Variants in OR56A3 observed in about 807,000 individuals in gnomAD.
OR56A3 encodes the protein olfactory receptor family 56 subfamily A member 3, also known as olfactory receptor 56A3.
Under a neutral mutation model 17.5 loss-of-function variants are expected in OR56A3, and 23 were observed. The ratio of observed to expected loss-of-function variants is 1.32; its 90% confidence interval spans 0.95 to 1.87. The LOEUF (loss-of-function observed/expected upper bound fraction) is 1.87. Among genes scored for constraint, OR56A3 ranks in the 40% most tolerant of loss-of-function variants. The pLI is 0.00. For missense variants in OR56A3, 366 were observed against 380.1 expected, an observed-to-expected ratio of 0.96 and a Z score of 0.31; for synonymous variants, 175 against 150.6, an observed-to-expected ratio of 1.16 and a Z score of -1.19.
At chr11:6,020,205 C>G in the OR56A3 span, 1 of 152,106 alleles carries the variant, frequency 6.6e-6, no homozygotes, top group Non-Finnish European at 1.5e-5. Context: ...AGGATCTTAA[C>G]ATAATCATAG....
the OR56A3 span, among the ~76,000 whole-genome samples, chr11:5,972,291 AG>A: frequency 1.3e-5 from 2 of 152,242 alleles, no homozygotes; most frequent in African/African-American, 4.8e-5. Context: ...GGCTTCCAGC[AG>A]GAAACTAGGA....
chr11:6,008,805 G>A, the OR56A3 span, among the ~76,000 whole-genome samples: 2 of 151,934 alleles, frequency 1.3e-5, no homozygotes, highest in African/African-American at 2.4e-5. Context: ...AGACCAAAAT[G>A]TAACATATAA....
chr11:5,993,096 G>A, the OR56A3 span, among the ~76,000 whole-genome samples: 3 of 152,168 alleles, frequency 2.0e-5, no homozygotes, highest in Admixed American at 6.5e-5. Flanking sequence ...GGGATAGGAT[G>A]AGGATACAAA....
the OR56A3 span, among the ~76,000 whole-genome samples, chr11:5,972,010 T>C: frequency 6.6e-6 from 1 of 152,220 alleles, no homozygotes; most frequent in African/African-American, 2.4e-5. Flanking sequence ...CTGCTGGCTA[T>C]AAATCATGTC....
the OR56A3 span, chr11:5,967,537 G>C: frequency 6.7e-7 from 1 of 1,500,144 alleles, no homozygotes; most frequent in Non-Finnish European, 9.0e-7. Context: ...AGGTCAGGTT[G>C]CATTCATTTT....
chr11:6,020,469 T>A, the OR56A3 span: 4 of 152,270 alleles, frequency 2.6e-5, no homozygotes, highest in South Asian at 8.3e-4. Flanking sequence ...TTAGTTTGTA[T>A]CTCCTCTGAT....
chr11:5,960,706 C>T, the OR56A3 span, among the ~76,000 whole-genome samples: 1 of 152,150 alleles, frequency 6.6e-6, no homozygotes. Context: ...AGGAGCGTCT[C>T]TGCCTGGCTG....
chr11:5,982,768 A>G, the OR56A3 span, among the ~76,000 whole-genome samples: 2 of 152,198 alleles, frequency 1.3e-5, no homozygotes, highest in East Asian at 3.9e-4. Flanking sequence ...TCTCCCTGAT[A>G]GCTCAAATGT....
At position 5,947,597 on chromosome 11, in the gene OR56A3, A is replaced by G. The variant is rs1342756541; in HGVS notation, c.251A>G (p.Lys84Arg). Residue 84 changes from lysine (K) to arginine (R), a missense_variant, in exon 3 of 3, where the codon AAG (lysine) becomes AGG (arginine). Coordinates refer to ENST00000641160, the MANE Select transcript of OR56A3 (RefSeq NM_001003443.3). ...GTGCTCTGCCTCACTGTCATCCCCA[A>G]GGTCCTGACCATCTTCTGGTTTGAC... ...DIVLCLTVIP[K>R]VLTIFWFDLR... The G allele has an allele frequency of 8.1e-6, 13 of 1,614,002 alleles. No homozygotes were observed. Among genetic ancestry groups the G allele is most frequent in the Non-Finnish European group, 1.0e-5 (12 of 1,180,020 alleles).
Position 5,942,321 on chromosome 11 carries a change from A to G in OR56A3, c.-367A>G, listed in dbSNP as rs1011606751. 6.6e-6 allele frequency: 1 copy of G among 152,206 alleles called. No individual in the cohort carries two copies. The highest frequency in any genetic ancestry group is 1.5e-5 in the Non-Finnish European group (1 of 68,034). 9.4% of individuals were successfully genotyped at this position (152,206 alleles called of 1,614,324 possible). A position where few individuals can be genotyped will look rare whatever the true frequency, so the allele number is the denominator to read the frequency against. On this transcript the variant is annotated 5_prime_UTR_variant, in exon 1 of 3. Coordinates refer to ENST00000641160, the MANE Select transcript of OR56A3 (RefSeq NM_001003443.3). The stretch of plus-strand genomic sequence containing the variant: ...TGTGCTCTTTTCCATTCCTGCGTCA[A>G]TACTGCTGAAGTAGTCTGAGAAGGA...
chr11:5,975,826 A>G, the OR56A3 span, among the ~76,000 whole-genome samples: 844 of 152,208 alleles, frequency 5.5e-3, 5 homozygotes, highest in African/African-American at 0.019. Context: ...TCTCACCAAC[A>G]GTGTAAAAGT....
chr11:5,954,988 A>G (rs1847925331), downstream of OR56A3, among the ~76,000 whole-genome samples: 1 of 152,242 alleles, frequency 6.6e-6, no homozygotes, highest in Admixed American at 6.5e-5. Context: ...TAGTCTTTGA[A>G]TGAATGATAA....
chr11:5,999,608 A>G, the OR56A3 span: 1 of 152,222 alleles, frequency 6.6e-6, no homozygotes, highest in Non-Finnish European at 1.5e-5. Flanking sequence ...GGCTAAAAAT[A>G]TGGCTCTCTG....
the OR56A3 span, among the ~76,000 whole-genome samples, chr11:5,998,868 C>T: frequency 2.0e-4 from 30 of 152,238 alleles, no homozygotes; most frequent in African/African-American, 7.0e-4. Flanking sequence ...AAACAGTTTC[C>T]TATTTTATGA....
At chr11:5,960,991 C>G in the OR56A3 span, among the ~76,000 whole-genome samples, 1 of 148,772 alleles carries the variant, frequency 6.7e-6, no homozygotes, top group Admixed American at 6.6e-5. Flanking sequence ...TCTGACCGGC[C>G]GCCCCATCTG....
chr11:5,947,418 C>T lies in OR56A3; in HGVS notation c.72C>T (p.Ser24=). ...TCCTCTTGAATTGTTTTGTCAGATCCCCCAGCTGGCAGCACTGGCTGTCCC... is the reference window on the plus strand; with the variant it reads ...TCCTCTTGAATTGTTTTGTCAGATCTCCCAGCTGGCAGCACTGGCTGTCCC... ...SDFLLNCFVR[S]PSWQHWLSLP... is the part of the protein sequence containing the mutation. The change falls in exon 3 of 3, where the codon TCC becomes TCT. Residue 24 remains serine (S), a synonymous_variant. Transcript: ENST00000641160. The T allele has an allele frequency of 6.2e-7, 1 of 1,614,112 alleles. No individual in the cohort carries two copies. The highest frequency in any genetic ancestry group is 8.5e-7 in the Non-Finnish European group (1 of 1,180,004).
chr11:5,989,255 G>A, the OR56A3 span, among the ~76,000 whole-genome samples: 2 of 152,142 alleles, frequency 1.3e-5, no homozygotes, highest in Non-Finnish European at 2.9e-5. Flanking sequence ...TCTGTTGCAC[G>A]CTTCAGCCCA....
At chr11:5,944,730 A>C (rs1847857900) in intron 1 of OR56A3, 76 bp from the exon 2 acceptor site, 1 of 152,254 alleles carries the variant, frequency 6.6e-6, no homozygotes. Flanking sequence ...AGTATTATGA[A>C]TCACAAATGA....
At chr11:5,968,488 A>T in the OR56A3 span, 1 of 1,550,360 alleles carries the variant, frequency 6.5e-7, no homozygotes. Flanking sequence ...TTGCTGGGTA[A>T]TGTCATGAAA....
Sources: gnomAD v4.1 joint callset for allele counts (sites outside exome capture counted in the v4.1 genomes callset) on GRCh38, gnomAD v4.1.1 for gene constraint, MANE v1.5 for transcripts, NCBI Gene and HGNC (gene_info 2026-07-23, HGNC 2026-07-21) for gene names.